MLLT3: variants seen among roughly 807,000 people sequenced by gnomAD.
The protein encoded by MLLT3 is MLLT3 super elongation complex subunit, also known as protein AF-9.
In MLLT3, 4 loss-of-function variants were observed where a neutral mutation model predicts 53.2. That is an observed-to-expected ratio of 0.08 (90% confidence interval 0.04 to 0.17). The LOEUF is 0.17. Ranked by LOEUF, MLLT3 falls within the 10% of genes least tolerant of loss-of-function variation. MLLT3 has a pLI of 1.00. For synonymous variants in MLLT3, 283 were observed against 230.6 expected (o/e 1.23, Z -2.06); for missense variants, 569 against 684.0 (o/e 0.83, Z 1.87).
At chr9:20,484,443 C>G (rs143143095) in intron 2 of MLLT3, among the ~76,000 whole-genome samples, 1 of 152,260 alleles carries the variant, frequency 6.6e-6, no homozygotes, top group East Asian at 1.9e-4. Flanking sequence ...CCTAATTTTT[C>G]CTCAATTGCC....
At chr9:20,566,217 T>A (rs1179529492) in intron 2 of MLLT3, among the ~76,000 whole-genome samples, 1 of 150,860 alleles carries the variant, frequency 6.6e-6, no homozygotes, top group East Asian at 1.9e-4. Context: ...GGCAGGTGGA[T>A]CACTTGAGGT....
At chr9:20,494,722 T>A (rs1586993807) in intron 2 of MLLT3, among the ~76,000 whole-genome samples, 1 of 152,304 alleles carries the variant, frequency 6.6e-6, no homozygotes, top group East Asian at 1.9e-4. Flanking sequence ...CAAATTTCCC[T>A]ACCACGGACA....
chr9:20,612,766 C>A (rs370588395), intron 2 of MLLT3, among the ~76,000 whole-genome samples: 1 of 151,992 alleles, frequency 6.6e-6, no homozygotes, highest in South Asian at 2.1e-4. Context: ...AATTTCAACT[C>A]TGAAAAATAG....
At chr9:20,523,181 A>ACC (rs1587022871) in intron 2 of MLLT3, among the ~76,000 whole-genome samples, 1 of 152,182 alleles carries the variant, frequency 6.6e-6, no homozygotes, top group East Asian at 1.9e-4. Context: ...ATTTCTACAC[A>ACC]CCTATTAGAA....
At chr9:20,440,312 C>G (rs891593998) in intron 4 of MLLT3, among the ~76,000 whole-genome samples, 21 of 152,026 alleles carry the variant, frequency 1.4e-4, no homozygotes, top group African/African-American at 5.1e-4. Context: ...TATATTAAGC[C>G]ACCTACCATC....
intron 2 of MLLT3, among the ~76,000 whole-genome samples, chr9:20,604,957 T>G (rs1230293495): frequency 6.6e-6 from 1 of 152,138 alleles, no homozygotes; most frequent in Non-Finnish European, 1.5e-5. Flanking sequence ...CTACACAAGA[T>G]AAAACTTCAG....
intron 4 of MLLT3, among the ~76,000 whole-genome samples, chr9:20,416,140 T>C (rs140875885): frequency 1.3e-5 from 2 of 152,118 alleles, no homozygotes; most frequent in East Asian, 3.9e-4. Context: ...TAAGCAATAC[T>C]ATGAATAATT....
At chr9:20,605,196 C>G (rs1183986966) in intron 2 of MLLT3, among the ~76,000 whole-genome samples, 1 of 152,032 alleles carries the variant, frequency 6.6e-6, no homozygotes, top group East Asian at 1.9e-4. Flanking sequence ...AAACTCAATT[C>G]CTCAAGGATT....
intron 2 of MLLT3, among the ~76,000 whole-genome samples, chr9:20,565,984 TTA>T (rs1819360800): frequency 3.0e-5 from 3 of 100,230 alleles, no homozygotes; most frequent in African/African-American, 1.3e-4. Flanking sequence ...ATATATATAT[TTA>T]TTTATATATT....
At chr9:20,473,172 A>G (rs1483985624) in intron 2 of MLLT3, among the ~76,000 whole-genome samples, 1 of 152,142 alleles carries the variant, frequency 6.6e-6, no homozygotes, top group Admixed American at 6.6e-5. Flanking sequence ...ATACTCACGT[A>G]GTCAAAGCAA....
chr9:20,472,954 T>C (rs2118891610), intron 2 of MLLT3, among the ~76,000 whole-genome samples: 1 of 151,768 alleles, frequency 6.6e-6, no homozygotes, highest in Non-Finnish European at 1.5e-5. Context: ...AGTCCATTAG[T>C]TTAATTACAC....
chr9:20,391,606 T>C (rs572766514), intron 5 of MLLT3, among the ~76,000 whole-genome samples: 15 of 152,320 alleles, frequency 9.8e-5, no homozygotes, highest in African/African-American at 3.6e-4. Context: ...ACTGAATATT[T>C]TCATGAGAAA....
At chr9:20,588,504 C>A (rs1013706412) in intron 2 of MLLT3, among the ~76,000 whole-genome samples, 1 of 152,124 alleles carries the variant, frequency 6.6e-6, no homozygotes, top group African/African-American at 2.4e-5. Flanking sequence ...TGTTTGTAAC[C>A]CCTTTTATTT....
At position 20,345,437 on chromosome 9, in the gene MLLT3, T is replaced by C. The variant is rs1049643277; in HGVS notation, c.*1006A>G. 5 of 207,462 alleles carry C rather than the reference T, an allele frequency of 2.4e-5. No homozygotes were observed. Among genetic ancestry groups the C allele is most frequent in the Non-Finnish European group, 3.9e-5 (4 of 102,348 alleles). The allele number at this position is 207,462 out of a possible 1,614,324, so 12.9% of individuals were successfully genotyped here. On this transcript the variant is annotated 3_prime_UTR_variant, in exon 11 of 11. Coordinates refer to ENST00000380338, the MANE Select transcript of MLLT3 (RefSeq NM_004529.4). Reference sequence around the variant, plus strand: ...GAAAGCTGAAACTCTGACTAATAAATAGATCCAAATTAAGAATTTCTACAA... The same window carrying C: ...GAAAGCTGAAACTCTGACTAATAAACAGATCCAAATTAAGAATTTCTACAA...
intron 2 of MLLT3, among the ~76,000 whole-genome samples, chr9:20,577,419 G>C (rs771682379): frequency 1.5e-4 from 23 of 152,096 alleles, no homozygotes; most frequent in Non-Finnish European, 2.8e-4. Context: ...TGAATCTGAA[G>C]AAATGCCCTC....
intron 2 of MLLT3, among the ~76,000 whole-genome samples, chr9:20,489,946 T>C (rs1206192641): frequency 6.6e-6 from 1 of 152,172 alleles, no homozygotes; most frequent in East Asian, 1.9e-4. Flanking sequence ...AGAAATTACA[T>C]TCAAGCTAAC....
intron 2 of MLLT3, among the ~76,000 whole-genome samples, chr9:20,548,623 G>A (rs1432233319): frequency 6.6e-6 from 1 of 152,108 alleles, no homozygotes; most frequent in Non-Finnish European, 1.5e-5. Flanking sequence ...GCCCTGTTAA[G>A]AGTAAGATTG....
At chr9:20,480,165 CAAAAT>C (rs1327303848) in intron 2 of MLLT3, among the ~76,000 whole-genome samples, 1 of 152,156 alleles carries the variant, frequency 6.6e-6, no homozygotes, top group East Asian at 1.9e-4. Flanking sequence ...AAGAAGTAAG[CAAAAT>C]AAAAGTAAAA....
Position 20,620,969 on chromosome 9 carries a change from G to T in MLLT3, c.13-135C>A. 9.3e-7 allele frequency: 1 copy of T among 1,072,388 alleles called. No homozygotes were observed. The highest frequency in any genetic ancestry group is 2.0e-5 in the Admixed American group (1 of 50,902). The allele number at this position is 1,072,388 out of a possible 1,614,324, so 66.4% of individuals were successfully genotyped here. On this transcript the variant is annotated intron_variant, in intron 1 of 10. Transcript: ENST00000380338. The surrounding 1 kb of genome is among the most constrained non-coding windows in gnomAD (Gnocchi z 6.1). ...AAACGGCGGTGCCCTCTGCATCCAC[G>T]TTTCACGCGCGTGGGCGCGCACACT...
Sources: allele counts gnomAD v4.1 joint callset (sites outside exome capture counted in the v4.1 genomes callset), GRCh38; gene constraint gnomAD v4.1.1; non-coding constraint Gnocchi (gnomAD v3.1); transcripts MANE v1.5; gene names NCBI Gene and HGNC (gene_info 2026-07-23, HGNC 2026-07-21).